Variants in FN3KRP observed in about 807,000 individuals in gnomAD.
FN3KRP encodes fructosamine 3 kinase related protein.
Under a neutral mutation model 29.8 loss-of-function variants are expected in FN3KRP, and 33 were observed. The ratio of observed to expected loss-of-function variants is 1.11; its 90% CI spans 0.84 to 1.48. The LOEUF (loss-of-function observed/expected upper bound fraction) is 1.48. Among genes scored for constraint, FN3KRP ranks in the 40% most tolerant of loss-of-function variants. FN3KRP has a pLI of 0.00. For missense variants in FN3KRP, 430 were observed against 402.6 expected (o/e 1.07, Z -0.58); for synonymous variants, 157 against 155.2 (o/e 1.01, Z -0.09).
rs751298320 is a variant in FN3KRP at position 82,726,584 on chromosome 17, G to A, written c.573G>A (p.Gln191=). Residue 191 remains glutamine (Q), a synonymous_variant, in exon 5 of 6, where the codon CAG becomes CAA. Coordinates refer to ENST00000269373, the MANE Select transcript of FN3KRP (RefSeq NM_024619.4). ...AGTCTGGGGACAGGGAGGCCCTCCA[G>A]CTTTGGTCTGCTCTGCAGGTGAGTG... ...EKESGDREAL[Q]LWSALQLKIP... 4 of 1,613,474 alleles carry A rather than the reference G, an allele frequency of 2.5e-6. No individual in the cohort carries two copies. In the South Asian group the frequency reaches 4.4e-5, roughly 18 times the overall value.
chr17:82,722,863 A>G lies in FN3KRP; in HGVS notation c.445A>G (p.Thr149Ala). 6 of 1,613,964 alleles carry G rather than the reference A, an allele frequency of 3.7e-6. No individual in the cohort carries two copies. The highest frequency in any genetic ancestry group is 5.1e-6 in the Non-Finnish European group (6 of 1,179,976). Residue 149 changes from threonine (T) to alanine (A), a missense_variant, in exon 4 of 6, where the codon ACG (threonine) becomes GCG (alanine). By Grantham distance (58) the Thr-to-Ala change is moderately conservative (BLOSUM62 0). Transcript: ENST00000269373. Reference sequence around the variant, plus strand: ...GGCCCGGTTTGGATTTGACGTGGTGACGTGCTGTGGATACCTCCCCCAGGT... The same window carrying G: ...GGCCCGGTTTGGATTTGACGTGGTGGCGTGCTGTGGATACCTCCCCCAGGT... The part of the protein sequence containing the change: ...FVARFGFDVV[T>A]CCGYLPQVND...
chr17:82,726,918 A>C lies in FN3KRP; in HGVS notation c.677A>C (p.Asp226Ala). ...CTCTGGGGTGGAAACGTAGCAGAGG[A>C]TTCCTCTGGGCCGGTGATTTTTGAC... is the stretch of plus-strand genomic sequence containing the variant. ...GDLWGGNVAEDSSGPVIFDPA... is the reference protein window; with the variant it reads ...GDLWGGNVAEASSGPVIFDPA... The change falls in exon 6 of 6, where the codon GAT becomes GCT. Residue 226 changes from aspartate (D) to alanine (A), a missense_variant. Asp to Ala is a moderately radical substitution (Grantham distance 126, BLOSUM62 -2). Coordinates refer to ENST00000269373, the MANE Select transcript of FN3KRP (RefSeq NM_024619.4). The C allele has an allele frequency of 6.2e-7, 1 of 1,609,632 alleles. No homozygotes were observed. Among genetic ancestry groups the C allele is most frequent in the Non-Finnish European group, 8.5e-7 (1 of 1,177,292 alleles).
At chr17:82,718,236 C>T (rs1490864125) in intron 1 of FN3KRP, among the ~76,000 whole-genome samples, 40 of 145,300 alleles carry the variant, frequency 2.8e-4, no homozygotes, top group Middle Eastern at 4.0e-3. Flanking sequence ...GATGGGAGAG[C>T]AGGCAGGGCA....
rs567778042 is a variant in FN3KRP, at chr17:82,725,512, C to T, written c.469-968C>T. Among the ~76,000 whole-genome samples the T allele has an allele frequency of 1.1e-4, 16 of 151,990 alleles. No individual in the cohort carries two copies. In the South Asian group the frequency reaches 2.1e-3, roughly 20 times the overall value. On this transcript the variant is annotated intron_variant, in intron 4 of 5. Coordinates refer to ENST00000269373, the MANE Select transcript of FN3KRP (RefSeq NM_024619.4). ...TCACCCAGGCTAGAGTGCAGTGGTG[C>T]GATCTTGGCTCACTGCAACCTCCAG...
rs1176410513 is a variant in FN3KRP at position 82,726,474 on chromosome 17, G to A, written c.469-6G>A. 1.2e-6 allele frequency: 2 copies of A among 1,612,908 alleles called. No individual in the cohort carries two copies. Among genetic ancestry groups the A allele is most frequent in the African/African-American group, 2.7e-5 (2 of 74,892 alleles). On this transcript the variant is annotated splice_polypyrimidine_tract_variant and splice_region_variant and intron_variant, in intron 4 of 5. Transcript: ENST00000269373. ...AGTGAACTGTGCTTTTGCTGTTACT[G>A]TGCAGGTGAATGACTGGCAGGAGGA...
At chr17:82,717,440 C>A (rs1293273181) in intron 1 of FN3KRP, among the ~76,000 whole-genome samples, 1 of 152,140 alleles carries the variant, frequency 6.6e-6, no homozygotes, top group Non-Finnish European at 1.5e-5. Flanking sequence ...CATTCTCGGG[C>A]CGGGCGCGGT....
At chr17:82,718,124 GTGTGTTGTGTGTCTGTA>G in intron 1 of FN3KRP, among the ~76,000 whole-genome samples, 1 of 150,986 alleles carries the variant, frequency 6.6e-6, no homozygotes, top group South Asian at 2.1e-4. Flanking sequence ...CGTATGTTGT[GTGTGTTGTGTGTCTGTA>G]TGTGTTGTGT....
chr17:82,718,075 T>C (rs1195903346), intron 1 of FN3KRP, among the ~76,000 whole-genome samples: 1 of 146,712 alleles, frequency 6.8e-6, no homozygotes, highest in African/African-American at 2.5e-5. Context: ...GTTGTGTGTG[T>C]GTGTCTGTGT....
chr17:82,726,760 G>C, intron 5 of FN3KRP, 73 bp from the exon 6 acceptor site: 1 of 1,486,486 alleles, frequency 6.7e-7, no homozygotes, highest in Admixed American at 2.3e-5. Context: ...GGCTGGGGGC[G>C]GTGGGGACCT....
intron 1 of FN3KRP, chr17:82,718,476 A>G: frequency 1.0e-6 from 1 of 990,040 alleles, no homozygotes; most frequent in African/African-American, 1.7e-5. Context: ...TGGCATAGGC[A>G]GCCAGGGTGC....
chr17:82,726,506 C>A lies in FN3KRP; in HGVS notation c.495C>A (p.Val165=). The A allele has an allele frequency of 6.2e-7, 1 of 1,614,058 alleles. No individual in the cohort carries two copies. The highest frequency in any genetic ancestry group is 8.5e-7 in the Non-Finnish European group (1 of 1,179,984). Residue 165 remains valine (V), a synonymous_variant, in exon 5 of 6, where the codon GTC becomes GTA. Coordinates refer to ENST00000269373, the MANE Select transcript of FN3KRP (RefSeq NM_024619.4). The part of the protein sequence containing the change: ...PQVNDWQEDW[V]VFYARQRIQP... ...TGAATGACTGGCAGGAGGACTGGGT[C>A]GTGTTCTATGCCCGGCAGCGCATTC...
rs951878526 is a variant in FN3KRP at position 82,720,273 on chromosome 17, C to T, written c.295C>T (p.His99Tyr). The T allele has an allele frequency of 1.1e-5, 17 of 1,613,438 alleles. No homozygotes were observed. In the Admixed American group the frequency reaches 2.0e-4, roughly 19 times the overall value. The part of the protein sequence containing the change: ...EHMDMRHLSS[H>Y]AAKLGAQLAD... ...AGTTGCTGTCGTTTGATTTGACAGT[C>T]ATGCTGCAAAGCTTGGAGCCCAGCT... is the stretch of plus-strand genomic sequence containing the variant. Residue 99 changes from histidine (H) to tyrosine (Y), a missense_variant and splice_region_variant, in exon 3 of 6, where the codon CAT becomes TAT. By Grantham distance (83) the His-to-Tyr change is moderately conservative. Transcript: ENST00000269373.
rs2046778524 is a variant in FN3KRP, at chr17:82,718,941, A to G, written c.177A>G (p.Leu59=). 6.2e-7 allele frequency: 1 copy of G among 1,614,158 alleles called. No individual in the cohort carries two copies. The highest frequency in any genetic ancestry group is 8.5e-7 in the Non-Finnish European group (1 of 1,179,982). ...TGTTTGAAGGTGAGATGGCAAGTTT[A>G]ACTGCCATCCTGAAAACAAACACGG... ...RRMFEGEMAS[L]TAILKTNTVK... is the part of the protein sequence containing the mutation. Residue 59 remains leucine (L), a synonymous_variant, in exon 2 of 6, where the codon TTA becomes TTG. Coordinates refer to ENST00000269373, the MANE Select transcript of FN3KRP (RefSeq NM_024619.4).
chr17:82,721,723 C>T (rs939692949), intron 3 of FN3KRP, among the ~76,000 whole-genome samples: 4 of 151,826 alleles, frequency 2.6e-5, no homozygotes, highest in African/African-American at 7.3e-5. Context: ...GGGATGGTCT[C>T]GACTTCCTGA....
At chr17:82,720,188 C>T (rs991937249) in intron 2 of FN3KRP, 84 bp from the exon 3 acceptor site, 12 of 1,122,678 alleles carry the variant, frequency 1.1e-5, no homozygotes, top group Non-Finnish European at 1.6e-5. Flanking sequence ...AAGTTTGACC[C>T]TCTTTATGTG....
Position 82,716,806 on chromosome 17 carries a change from G to A in FN3KRP, c.51G>A (p.Thr17=). The part of the protein sequence containing the change: ...RELGCSSVRA[T]GHSGGGCISQ... Reference sequence around the variant, plus strand: ...TGGGCTGCAGCTCTGTCAGGGCCACGGGCCACTCGGGGGGCGGGTGCATCA... The same window carrying A: ...TGGGCTGCAGCTCTGTCAGGGCCACAGGCCACTCGGGGGGCGGGTGCATCA... Residue 17 remains threonine (T), a synonymous_variant, in exon 1 of 6, where the codon ACG becomes ACA. Coordinates refer to ENST00000269373, the MANE Select transcript of FN3KRP (RefSeq NM_024619.4). 6.4e-7 allele frequency: 1 copy of A among 1,551,540 alleles called. No individual in the cohort carries two copies. The highest frequency in any genetic ancestry group is 8.7e-7 in the Non-Finnish European group (1 of 1,155,300).
rs570401293 is a variant in FN3KRP, at chr17:82,727,401, G to T, written c.*230G>T. Reference sequence around the variant, plus strand: ...CACTACAGGCAGGGTATGAGCAGAGGGATGTATGGAGTGTGGGTGACTCTG... The same window carrying T: ...CACTACAGGCAGGGTATGAGCAGAGTGATGTATGGAGTGTGGGTGACTCTG... On this transcript the variant is annotated 3_prime_UTR_variant, in exon 6 of 6. Transcript: ENST00000269373. 94 of 467,808 alleles carry T rather than the reference G, an allele frequency of 2.0e-4. 2 individuals are homozygous for T. The South Asian group carries it at 3.1e-3, about 15-fold the overall frequency. 29.0% of individuals were successfully genotyped at this position (467,808 alleles called of 1,614,324 possible).
intron 2 of FN3KRP, 39 bp downstream of exon 2, chr17:82,719,096 T>C: frequency 6.4e-7 from 1 of 1,550,898 alleles, no homozygotes; most frequent in African/African-American, 1.4e-5. Context: ...CTTTATTACC[T>C]GAGCAGGTGT....
chr17:82,723,032 C>T (rs929956259), intron 4 of FN3KRP, 146 bp downstream of exon 4: 11 of 713,168 alleles, frequency 1.5e-5, no homozygotes, highest in Middle Eastern at 2.9e-4. Flanking sequence ...GAGAGGTTGA[C>T]GTAAGATTGA....
Sources: gnomAD v4.1 joint callset for allele counts (sites outside exome capture counted in the v4.1 genomes callset) on GRCh38, gnomAD v4.1.1 for gene constraint, MANE v1.5 for transcripts, NCBI Gene and HGNC (gene_info 2026-07-23, HGNC 2026-07-21) for gene names.